CCSER1: variants seen among roughly 807,000 people sequenced by gnomAD.
CCSER1 encodes the protein coiled-coil serine rich protein 1.
In CCSER1, 41 loss-of-function variants were observed where a neutral mutation model predicts 82.0. That is an observed-to-expected ratio of 0.50 (90% confidence interval 0.39 to 0.65). The LOEUF is 0.65. Among genes scored for constraint, CCSER1 ranks in the 30% least tolerant of loss-of-function variants. The pLI, the probability that CCSER1 is intolerant of heterozygous loss-of-function variation, is 0.00. For synonymous variants in CCSER1, 414 were observed against 383.9 expected, an observed-to-expected ratio of 1.08 and a Z score of -0.92; for missense variants, 1,119 against 1,064.2, an observed-to-expected ratio of 1.05 and a Z score of -0.72.
At chr4:91,115,167 CT>C (rs2148879850) in intron 10 of CCSER1, among the ~76,000 whole-genome samples, 1 of 152,134 alleles carries the variant, frequency 6.6e-6, no homozygotes, top group East Asian at 1.9e-4. Context: ...AAAGGGATGT[CT>C]TTTTAGAAAG....
chr4:91,181,700 G>A lies in CCSER1; in HGVS notation c.2217+95706G>A, dbSNP rs138196986. On this transcript the variant is annotated intron_variant, in intron 10 of 10. Coordinates refer to ENST00000509176, the MANE Select transcript of CCSER1 (RefSeq NM_001145065.2). ...GGGACCAATTAATAATGATTCCATA[G>A]GAATTGTTGTGCAGCACCTCTGTCT... Among the ~76,000 whole-genome samples, 741 of 152,280 alleles carry A rather than the reference G, an allele frequency of 4.9e-3. 6 individuals are homozygous for A. The highest frequency in any genetic ancestry group is 0.017 in the African/African-American group (699 of 41,564).
intron 10 of CCSER1, among the ~76,000 whole-genome samples, chr4:91,199,638 C>A (rs1735741263): frequency 6.6e-6 from 1 of 151,944 alleles, no homozygotes; most frequent in South Asian, 2.1e-4. Context: ...TTTTACTCTG[C>A]TGTTTTTAAG....
At chr4:90,807,573 A>G (rs1043399966) in intron 7 of CCSER1, among the ~76,000 whole-genome samples, 2 of 152,138 alleles carry the variant, frequency 1.3e-5, no homozygotes, top group Non-Finnish European at 2.9e-5. Flanking sequence ...CCATCTCAAC[A>G]AAATATTTTA....
chr4:90,853,108 AC>A (rs1391278016), intron 8 of CCSER1, among the ~76,000 whole-genome samples: 1 of 152,130 alleles, frequency 6.6e-6, no homozygotes, highest in Non-Finnish European at 1.5e-5. Flanking sequence ...ACAAAAAAAA[AC>A]AAAAACAAAC....
Position 90,723,715 on chromosome 4 carries a change from A to G in CCSER1, c.1933-199A>G, listed in dbSNP as rs72661884. Among the ~76,000 whole-genome samples the G allele has an allele frequency of 9.8e-3, 1,496 of 152,058 alleles. 13 individuals carry two copies. Among genetic ancestry groups the G allele is most frequent in the Non-Finnish European group, 0.013 (901 of 67,896 alleles). ...ATACATGGAGAGTGATAATTTGACTAATTTCCCAGATAATCATTTCTGTAT... is the reference window on the plus strand; with the variant it reads ...ATACATGGAGAGTGATAATTTGACTGATTTCCCAGATAATCATTTCTGTAT... On this transcript the variant is annotated intron_variant, in intron 6 of 10. Transcript: ENST00000509176.
intron 4 of CCSER1, among the ~76,000 whole-genome samples, chr4:90,459,748 C>T (rs1450535642): frequency 2.6e-5 from 4 of 152,104 alleles, no homozygotes; most frequent in African/African-American, 9.7e-5. Flanking sequence ...ATAAATGACA[C>T]TTTATTCATA....
intron 8 of CCSER1, among the ~76,000 whole-genome samples, chr4:90,836,868 T>C (rs1016975472): frequency 2.6e-5 from 4 of 152,256 alleles, no homozygotes; most frequent in Admixed American, 6.5e-5. Flanking sequence ...ACAAAACTGC[T>C]TGGCCACTTG....
intron 10 of CCSER1, among the ~76,000 whole-genome samples, chr4:91,428,645 C>T (rs1049736645): frequency 6.6e-6 from 1 of 151,892 alleles, no homozygotes; most frequent in South Asian, 2.1e-4. Context: ...TATTTCCAAC[C>T]ACCTTTCATG....
Position 90,598,306 on chromosome 4 carries a change from A to T in CCSER1, c.1725-29719A>T, listed in dbSNP as rs537358905. Among the ~76,000 whole-genome samples, 705 of 152,118 alleles carry T rather than the reference A, an allele frequency of 4.6e-3. 11 individuals are homozygous for T. Among genetic ancestry groups the T allele is most frequent in the Non-Finnish European group, 3.5e-3 (240 of 68,010 alleles). The stretch of plus-strand genomic sequence containing the variant: ...AAATATACTTTAAGTTTTAGGGTAC[A>T]TGTGCACAACGTGCAGGTTTGTTAC... On this transcript the variant is annotated intron_variant, in intron 5 of 10. Coordinates refer to ENST00000509176, the MANE Select transcript of CCSER1 (RefSeq NM_001145065.2).
rs369260949 is a variant in CCSER1, at chr4:90,660,801, A to AG, written c.1932+32570dup. ...CCTTGTACTTTACAGATGGGCTGCCAGCTAATTGCACCTTTTGCGTAATGG... is the reference window on the plus strand; with the variant it reads ...CCTTGTACTTTACAGATGGGCTGCCAGGCTAATTGCACCTTTTGCGTAATGG... On this transcript the variant is annotated intron_variant, in intron 6 of 10. Transcript: ENST00000509176. Among the ~76,000 whole-genome samples the AG allele has an allele frequency of 1.2e-3, 177 of 152,314 alleles. 1 individual carries two copies. Among genetic ancestry groups the AG allele is most frequent in the African/African-American group, 4.1e-3 (169 of 41,584 alleles).
intron 1 of CCSER1, among the ~76,000 whole-genome samples, chr4:90,307,209 A>G (rs1342245437): frequency 1.3e-5 from 2 of 152,130 alleles, no homozygotes; most frequent in Non-Finnish European, 2.9e-5. Flanking sequence ...TGTAGCTGCC[A>G]CATCTCCTCA....
chr4:91,390,932 C>T (rs753609777), intron 10 of CCSER1, among the ~76,000 whole-genome samples: 152 of 152,148 alleles, frequency 1.0e-3, no homozygotes, highest in Non-Finnish European at 1.8e-3. Flanking sequence ...TCCTATCTCA[C>T]TTCTGATTTT....
At chr4:91,111,343 T>G (rs540417621) in intron 10 of CCSER1, among the ~76,000 whole-genome samples, 1 of 152,124 alleles carries the variant, frequency 6.6e-6, no homozygotes, top group Admixed American at 6.5e-5. Context: ...CCTGAAGTTA[T>G]GTAATGCATG....
chr4:90,647,761 T>G (rs4693243), intron 6 of CCSER1, among the ~76,000 whole-genome samples: 82,420 of 151,950 alleles, frequency 0.54, 22,779 homozygotes, highest in Admixed American at 0.61. Flanking sequence ...CATTTGTTTA[T>G]GATAAGTTTA....
chr4:90,909,302 A>G (rs868441676), intron 8 of CCSER1, among the ~76,000 whole-genome samples: 1 of 152,092 alleles, frequency 6.6e-6, no homozygotes, highest in Non-Finnish European at 1.5e-5. Flanking sequence ...TTCCAAGTAA[A>G]GTCACATTCA....
intron 10 of CCSER1, among the ~76,000 whole-genome samples, chr4:91,274,763 T>C (rs920898982): frequency 6.6e-6 from 1 of 152,282 alleles, no homozygotes; most frequent in Admixed American, 6.5e-5. Flanking sequence ...ATTTTTGCTA[T>C]TGTGAATAAT....
chr4:90,747,135 A>AG (rs1448488605), intron 7 of CCSER1, among the ~76,000 whole-genome samples: 1 of 152,160 alleles, frequency 6.6e-6, no homozygotes, highest in East Asian at 1.9e-4. Context: ...AAGAAAAGAG[A>AG]GAAAAACTAT....
chr4:90,288,791 C>T (rs1405405341), intron 1 of CCSER1, among the ~76,000 whole-genome samples: 1 of 151,862 alleles, frequency 6.6e-6, no homozygotes, highest in African/African-American at 2.4e-5. Context: ...CAGTCATCTT[C>T]CTCATGTTTC....
At chr4:91,133,734 G>A (rs184888032) in intron 10 of CCSER1, among the ~76,000 whole-genome samples, 4 of 152,226 alleles carry the variant, frequency 2.6e-5, no homozygotes, top group Admixed American at 2.6e-4. Context: ...AAACAACAGG[G>A]CTCTTGGAAT....
Sources: gnomAD v4.1 joint callset for allele counts (sites outside exome capture counted in the v4.1 genomes callset) on GRCh38, gnomAD v4.1.1 for gene constraint, MANE v1.5 for transcripts, NCBI Gene and HGNC (gene_info 2026-07-23, HGNC 2026-07-21) for gene names.